The following FAM107A variants were observed in gnomAD, a reference collection of about 807,000 sequenced individuals.
The protein encoded by FAM107A is family with sequence similarity 107 member A.
A neutral mutation model predicts 13.7 loss-of-function variants in FAM107A; 19 were observed. That is an observed-to-expected ratio of 1.38 (90% confidence interval 0.97 to 2.03). FAM107A has a LOEUF of 2.03. Among genes scored for constraint, FAM107A ranks in the 30% most tolerant of loss-of-function variants. The probability of loss-of-function intolerance (pLI) is 0.00; values close to 1 mark genes in which losing one functional copy is unlikely to be tolerated. For missense variants in FAM107A, 203 were observed against 184.4 expected, an observed-to-expected ratio of 1.10 and a Z score of -0.58; for synonymous variants, 82 against 74.5, an observed-to-expected ratio of 1.10 and a Z score of -0.52.
At chr3:58,625,278 T>G (rs2066002612) in intron 1 of FAM107A, among the ~76,000 whole-genome samples, 2 of 152,186 alleles carry the variant, frequency 1.3e-5, no homozygotes, top group Admixed American at 6.5e-5. Context: ...TAACCTCCGT[T>G]ATCCTAATTC....
intron 1 of FAM107A, among the ~76,000 whole-genome samples, chr3:58,592,464 C>T: frequency 6.6e-6 from 1 of 152,232 alleles, no homozygotes; most frequent in Non-Finnish European, 1.5e-5. Flanking sequence ...TAGATAGACA[C>T]TTTCACTGGA....
rs768276481 is a variant in FAM107A, at chr3:58,613,622, G to A, written c.-70+13794C>T. Reference sequence around the variant, plus strand: ...AACACTGTTGCCCTCTTTTTGCCTGGCTTCTTCCTTCAGGACTCTGCTTAG... The same window carrying A: ...AACACTGTTGCCCTCTTTTTGCCTGACTTCTTCCTTCAGGACTCTGCTTAG... On this transcript the variant is annotated intron_variant, in intron 1 of 3. Coordinates refer to the FAM107A transcript ENST00000465970. This position sits in a 1 kb window ranked among gnomAD's most constrained non-coding sequence, Gnocchi z 4.6. 2.0e-5 allele frequency among the ~76,000 whole-genome samples: 3 copies of A among 152,074 alleles called. No individual in the cohort carries two copies. The highest frequency in any genetic ancestry group is 2.9e-5 in the Non-Finnish European group (2 of 68,012).
chr3:58,567,824 C>A (rs2063638097), intron 2 of FAM107A, among the ~76,000 whole-genome samples: 1 of 152,202 alleles, frequency 6.6e-6, no homozygotes, highest in African/African-American at 2.4e-5. Flanking sequence ...ATTTGAGAAT[C>A]TGGTAGGCCA....
chr3:58,605,059 C>G (rs1240016742), intron 1 of FAM107A, among the ~76,000 whole-genome samples: 1 of 152,244 alleles, frequency 6.6e-6, no homozygotes, highest in African/African-American at 2.4e-5. Context: ...GTAGGACTCA[C>G]CTCCAAACTT....
chr3:58,593,440 C>T (rs556610925), intron 1 of FAM107A, among the ~76,000 whole-genome samples: 6 of 152,276 alleles, frequency 3.9e-5, no homozygotes, highest in South Asian at 2.1e-4. Context: ...TTTACACTGC[C>T]GGTTTACACT....
rs558672421 is a variant in FAM107A at position 58,620,032 on chromosome 3, T to C, written c.-70+7384A>G. On this transcript the variant is annotated intron_variant, in intron 1 of 3. Coordinates refer to the FAM107A transcript ENST00000465970. ...ATGGATCCTTCCATAAGGTTGGCCT[T>C]CAACTCAGGGTAGCTTTTGGGAAAT... Among the ~76,000 whole-genome samples, 189 of 152,298 alleles carry C rather than the reference T, an allele frequency of 1.2e-3. 4 individuals carry two copies. The South Asian group carries it at 0.038, about 31-fold the overall frequency.
chr3:58,610,043 C>T (rs1219138880), intron 1 of FAM107A, among the ~76,000 whole-genome samples: 1 of 152,192 alleles, frequency 6.6e-6, no homozygotes, highest in African/African-American at 2.4e-5. Flanking sequence ...CGTGTGAGGC[C>T]ATTCCCTTCT....
chr3:58,590,791 C>A (rs183539560), upstream of FAM107A, among the ~76,000 whole-genome samples: 1 of 152,304 alleles, frequency 6.6e-6, no homozygotes, highest in Admixed American at 6.5e-5. Flanking sequence ...GTGGGGATTG[C>A]AATTTGAGAT....
At chr3:58,619,751 T>C (rs1400858640) in intron 1 of FAM107A, among the ~76,000 whole-genome samples, 1 of 152,238 alleles carries the variant, frequency 6.6e-6, no homozygotes, top group Non-Finnish European at 1.5e-5. Context: ...CTCCAGTGCC[T>C]GGGTCCCTAT....
chr3:58,587,119 G>T (rs572180171), upstream of FAM107A: 41 of 1,371,362 alleles, frequency 3.0e-5, no homozygotes, highest in Admixed American at 1.0e-3. Context: ...GGGAAGGAGG[G>T]GGGCAGGGGC....
rs575017573 is a variant in FAM107A at position 58,600,935 on chromosome 3, G to A, written c.-69-11666C>T. ...GCACCAGAGCCATGCCCTGTGGAAAGAGCCAGCGTTTTGTAATCAGATGCA... is the reference window on the plus strand; with the variant it reads ...GCACCAGAGCCATGCCCTGTGGAAAAAGCCAGCGTTTTGTAATCAGATGCA... On this transcript the variant is annotated intron_variant, in intron 1 of 3. Transcript: ENST00000465970. 2.0e-5 allele frequency among the ~76,000 whole-genome samples: 3 copies of A among 152,296 alleles called. No individual in the cohort carries two copies. In the South Asian group the frequency reaches 6.2e-4, roughly 32 times the overall value.
chr3:58,619,904 G>A (rs9812827), intron 1 of FAM107A, among the ~76,000 whole-genome samples: 3,944 of 152,222 alleles, frequency 0.026, 182 homozygotes, highest in African/African-American at 0.089. Flanking sequence ...GGGAATGTGA[G>A]AATTTGGATC....
rs910753516 is a variant in FAM107A at position 58,617,259 on chromosome 3, C to T, written c.-70+10157G>A. 2.6e-5 allele frequency among the ~76,000 whole-genome samples: 4 copies of T among 152,132 alleles called. No homozygotes were observed. Among genetic ancestry groups the T allele is most frequent in the African/African-American group, 7.2e-5 (3 of 41,434 alleles). Reference sequence around the variant, plus strand: ...CCACATCATACAACTCAGAATGACCCCTACCTGTTCCCAGAGCTCAGGTGG... The same window carrying T: ...CCACATCATACAACTCAGAATGACCTCTACCTGTTCCCAGAGCTCAGGTGG... On this transcript the variant is annotated intron_variant, in intron 1 of 3. Transcript: ENST00000465970. This position sits in a 1 kb window ranked among gnomAD's most constrained non-coding sequence, Gnocchi z 4.5.
intron 1 of FAM107A, among the ~76,000 whole-genome samples, chr3:58,605,502 G>A (rs141276745): frequency 3.3e-5 from 5 of 152,320 alleles, no homozygotes; most frequent in South Asian, 2.1e-4. Flanking sequence ...GGGCTCCATC[G>A]TCCTGTGCCA....
At chr3:58,621,111 G>A (rs1417379058) in intron 1 of FAM107A, among the ~76,000 whole-genome samples, 1 of 152,180 alleles carries the variant, frequency 6.6e-6, no homozygotes, top group Non-Finnish European at 1.5e-5. Flanking sequence ...AGTTTGCTGA[G>A]GCTGGGGAGG....
intron 1 of FAM107A, among the ~76,000 whole-genome samples, chr3:58,603,637 G>A (rs80031913): frequency 0.056 from 8,584 of 152,186 alleles, 354 homozygotes; most frequent in Non-Finnish European, 0.088. Flanking sequence ...CTGGGCTTTT[G>A]TACCTCCATA....
Position 58,574,483 on chromosome 3 carries a change from G to GTTA in FAM107A, c.-6+2823_-6+2825dup, listed in dbSNP as rs924734972. Among the ~76,000 whole-genome samples the GTTA allele has an allele frequency of 1.9e-4, 29 of 152,292 alleles. No homozygotes were observed. In the Middle Eastern group the frequency reaches 0.031, roughly 161 times the overall value. On this transcript the variant is annotated intron_variant, in intron 1 of 3. Transcript: ENST00000360997. ...ATCTCAGCTGACTGTAGTTGGCCTG[G>GTTA]TTATTGTGAGCAAATCTGATTAAGG...
chr3:58,573,539 G>T (rs2108047044), intron 1 of FAM107A: 1 of 152,600 alleles, frequency 6.6e-6, no homozygotes, highest in Non-Finnish European at 1.5e-5. Flanking sequence ...CTGTGGAGCA[G>T]CTAAGAGGGG....
Position 58,569,800 on chromosome 3 carries a change from A to G in FAM107A, c.61T>C (p.Tyr21His), listed in dbSNP as rs1484409170. 1.2e-6 allele frequency: 2 copies of G among 1,613,954 alleles called. No individual in the cohort carries two copies. Among genetic ancestry groups the G allele is most frequent in the Non-Finnish European group, 1.7e-6 (2 of 1,179,980 alleles). Residue 21 changes from tyrosine (Y) to histidine (H), a missense_variant, in exon 2 of 4, where the codon TAC becomes CAC. Physicochemically the swap from Tyr to His is moderately conservative, Grantham distance 83. Transcript: ENST00000360997. The surrounding 1 kb of genome is among the most constrained non-coding windows in gnomAD (Gnocchi z 5.7). ...ATGAGCTCCGGATTCCACTCTCTGT[A>G]TTCTGGCCGGGCCATCAGGCCCCCA... ...DIGGLMARPEYREWNPELIKP... is the reference protein window; with the variant it reads ...DIGGLMARPEHREWNPELIKP...
Sources: gnomAD v4.1 joint callset for allele counts (sites outside exome capture counted in the v4.1 genomes callset) on GRCh38, gnomAD v4.1.1 for gene constraint, Gnocchi (gnomAD v3.1) non-coding constraint, MANE v1.5 for transcripts, NCBI Gene and HGNC (gene_info 2026-07-23, HGNC 2026-07-21) for gene names.